Variants in SUGT1 observed in about 807,000 individuals in gnomAD.
SUGT1 encodes the protein SGT1 assembly cochaperone of MIS12 kinetochore complex.
SUGT1 carries 15 observed loss-of-function variants against 56.1 expected under a neutral mutation model. The ratio of observed to expected loss-of-function variants is 0.27; its 90% CI spans 0.18 to 0.41. SUGT1 has a LOEUF of 0.41. Among genes scored for constraint, SUGT1 ranks in the 10% least tolerant of loss-of-function variants. The pLI is 1.00. For missense variants in SUGT1, 347 were observed against 382.2 expected, an observed-to-expected ratio of 0.91 and a Z score of 0.77; for synonymous variants, 123 against 128.6, an observed-to-expected ratio of 0.96 and a Z score of 0.30.
rs1231393881 is a variant in SUGT1 at position 52,697,661 on chromosome 13, G to A, written c.*9826G>A. On this transcript the variant is annotated 3_prime_UTR_variant, in exon 13 of 13. Transcript: ENST00000310528. ...TTTAAACAGTATCAACACCGTTGAG[G>A]CCCTTCAAGTCTTTGCAGTCAAAAG... is the stretch of plus-strand genomic sequence containing the variant. 6.6e-6 allele frequency: 1 copy of A among 152,130 alleles called. No individual in the cohort carries two copies. The highest frequency in any genetic ancestry group is 2.4e-5 in the African/African-American group (1 of 41,414). The allele number at this position is 152,130 out of a possible 1,614,324, so 9.4% of individuals were successfully genotyped here.
chr13:52,655,281 T>C (rs1367455772), intron 2 of SUGT1, among the ~76,000 whole-genome samples: 2 of 152,146 alleles, frequency 1.3e-5, no homozygotes, highest in African/African-American at 4.8e-5. Flanking sequence ...AGGTGGAGGT[T>C]ACAGTGAGCT....
intron 12 of SUGT1, among the ~76,000 whole-genome samples, chr13:52,686,928 G>A (rs188637839): frequency 0.015 from 2,328 of 151,710 alleles, 61 homozygotes; most frequent in African/African-American, 0.053. Context: ...AAAATTAGCC[G>A]GGCATGGTGG....
intron 2 of SUGT1, among the ~76,000 whole-genome samples, chr13:52,655,572 A>G (rs930631092): frequency 2.0e-5 from 3 of 152,126 alleles, no homozygotes; most frequent in African/African-American, 7.2e-5. Context: ...GAGGGCATGG[A>G]GGTGAGTTGT....
At position 52,692,644 on chromosome 13, in the gene SUGT1, C is replaced by T. The variant is rs1333405935; in HGVS notation, c.*4809C>T. On this transcript the variant is annotated 3_prime_UTR_variant, in exon 13 of 13. Coordinates refer to ENST00000310528, the MANE Select transcript of SUGT1 (RefSeq NM_006704.5). The stretch of plus-strand genomic sequence containing the variant: ...CAGGCTGGTCTTGAACTCCTGACCT[C>T]ATGATCCGCCCACCTTGGCCTCCCA... 1 of 152,294 alleles carries T rather than the reference C, an allele frequency of 6.6e-6. No homozygotes were observed. The highest frequency in any genetic ancestry group is 1.5e-5 in the Non-Finnish European group (1 of 68,134). 9.4% of individuals were successfully genotyped at this position (152,294 alleles called of 1,614,324 possible). A position where few individuals can be genotyped will look rare whatever the true frequency, so the allele number is the denominator to read the frequency against.
intron 5 of SUGT1, 45 bp from the exon 6 acceptor site, chr13:52,662,603 TA>T (rs775462044): frequency 6.3e-7 from 1 of 1,591,908 alleles, no homozygotes; most frequent in Non-Finnish European, 8.6e-7. Flanking sequence ...TGTTGATTTA[TA>T]GGTTGTGCAG....
At chr13:52,660,327 T>C (rs1962383720) in intron 5 of SUGT1, among the ~76,000 whole-genome samples, 1 of 152,202 alleles carries the variant, frequency 6.6e-6, no homozygotes, top group African/African-American at 2.4e-5. Flanking sequence ...TCTGAAGAGA[T>C]TTTTGATAAT....
intron 2 of SUGT1, among the ~76,000 whole-genome samples, chr13:52,656,534 G>A (rs1320793743): frequency 6.6e-6 from 1 of 152,080 alleles, no homozygotes; most frequent in Non-Finnish European, 1.5e-5. Flanking sequence ...ACTTTCCATG[G>A]CTTTCCATCA....
At chr13:52,660,782 T>A (rs1962406217) in intron 5 of SUGT1, among the ~76,000 whole-genome samples, 1 of 152,050 alleles carries the variant, frequency 6.6e-6, no homozygotes, top group South Asian at 2.1e-4. Flanking sequence ...GAAACATGAG[T>A]CATACCATTC....
chr13:52,690,814 T>A lies in SUGT1; in HGVS notation c.*2979T>A, dbSNP rs1963753985. The A allele has an allele frequency of 6.6e-6, 1 of 152,214 alleles. No homozygotes were observed. The highest frequency in any genetic ancestry group is 2.1e-4 in the South Asian group (1 of 4,824). 9.4% of individuals were successfully genotyped at this position (152,214 alleles called of 1,614,324 possible). On this transcript the variant is annotated 3_prime_UTR_variant, in exon 13 of 13. Transcript: ENST00000310528. ...TCTGTCTATAGGGAGTGAAATGGAA[T>A]GGAGAAAGAGGATGGCTTGCATTAA...
rs1165440273 is a variant in SUGT1, at chr13:52,688,531, C to CCCAA, written c.*698_*701dup. ...TAGGGCAAAGAAGGTTCTAGGAAAG[C>CCCAA]CCAACTCCACTTGCTTCTTTTATCA... On this transcript the variant is annotated 3_prime_UTR_variant, in exon 13 of 13. Transcript: ENST00000310528. The CCCAA allele has an allele frequency of 1.3e-5, 2 of 152,246 alleles. No individual in the cohort carries two copies. Among genetic ancestry groups the CCCAA allele is most frequent in the East Asian group, 3.9e-4 (2 of 5,178 alleles). The allele number at this position is 152,246 out of a possible 1,614,324, so 9.4% of individuals were successfully genotyped here.
In SUGT1 at chr13:52,695,604, AAGG is replaced by A. The variant is rs942937725; in HGVS notation, c.*7773_*7775del. ...TCCTGTTTAGTGTTGAAATTCTTCA[AAGG>A]AGGGTGAGTCTGGCATTTACCTGCT... On this transcript the variant is annotated 3_prime_UTR_variant, in exon 13 of 13. Transcript: ENST00000310528. 2.0e-5 allele frequency: 3 copies of A among 152,160 alleles called. No individual in the cohort carries two copies. Among genetic ancestry groups the A allele is most frequent in the Admixed American group, 2.0e-4 (3 of 15,272 alleles). The allele number at this position is 152,160 out of a possible 1,614,324, so 9.4% of individuals were successfully genotyped here. A position where few individuals can be genotyped will look rare whatever the true frequency, so the allele number is the denominator to read the frequency against.
Position 52,692,458 on chromosome 13 carries a change from A to ATT in SUGT1, c.*4623_*4624insTT, listed in dbSNP as rs760140125. 6.6e-6 allele frequency: 1 copy of ATT among 151,298 alleles called. No homozygotes were observed. The highest frequency in any genetic ancestry group is 6.6e-5 in the Admixed American group (1 of 15,226). The allele number at this position is 151,298 out of a possible 1,614,324, so 9.4% of individuals were successfully genotyped here. A position where few individuals can be genotyped will look rare whatever the true frequency, so the allele number is the denominator to read the frequency against. On this transcript the variant is annotated 3_prime_UTR_variant, in exon 13 of 13. Coordinates refer to ENST00000310528, the MANE Select transcript of SUGT1 (RefSeq NM_006704.5). ...ACAGTCTCACTCTGTCGTTCAGGGA[A>ATT]GGAATGCAGTGGTGCAATCTTGGCT...
At chr13:52,657,450 C>T in intron 2 of SUGT1, 82 bp from the exon 3 acceptor site, 1 of 1,179,532 alleles carries the variant, frequency 8.5e-7, no homozygotes, top group Non-Finnish European at 1.2e-6. Flanking sequence ...CAATAAGTTA[C>T]TTGATTAAAA....
At chr13:52,663,002 T>G (rs1962536628) in intron 6 of SUGT1, 94 bp from the exon 7 acceptor site, 2 of 1,397,594 alleles carry the variant, frequency 1.4e-6, no homozygotes, top group Middle Eastern at 2.5e-4. Flanking sequence ...ATTTGCTTGC[T>G]TAATCAGTAT....
rs377275248 is a variant in SUGT1 at position 52,680,239 on chromosome 13, T to C, written c.900+84T>C. 5.0e-5 allele frequency: 65 copies of C among 1,310,962 alleles called. No individual in the cohort carries two copies. The African/African-American group carries it at 9.6e-4, about 19-fold the overall frequency. 81.2% of individuals were successfully genotyped at this position (1,310,962 alleles called of 1,614,324 possible). A position where few individuals can be genotyped will look rare whatever the true frequency, so the allele number is the denominator to read the frequency against. ...GAAAATTGGTAATGTGAGACCAAAT[T>C]GCGTGTACTATAGCTGGGAGAACTT... On this transcript the variant is annotated intron_variant, in intron 12 of 12. Coordinates refer to ENST00000310528, the MANE Select transcript of SUGT1 (RefSeq NM_006704.5).
chr13:52,654,624 C>T (rs1962071681), intron 2 of SUGT1, among the ~76,000 whole-genome samples: 1 of 152,212 alleles, frequency 6.6e-6, no homozygotes, highest in Admixed American at 6.5e-5. Flanking sequence ...CTGACTCCTG[C>T]TTTGACCTCC....
At chr13:52,663,328 T>G (rs1025247493) in intron 7 of SUGT1, among the ~76,000 whole-genome samples, 2 of 152,200 alleles carry the variant, frequency 1.3e-5, no homozygotes, top group African/African-American at 4.8e-5. Context: ...ATGAATTTAG[T>G]GTGTGGTTAA....
At chr13:52,656,875 T>G (rs1962188785) in intron 2 of SUGT1, among the ~76,000 whole-genome samples, 2 of 152,236 alleles carry the variant, frequency 1.3e-5, no homozygotes, top group Admixed American at 1.3e-4. Context: ...TCTTACATCA[T>G]TATTTTTCCA....
chr13:52,671,918 C>G (rs916327215), intron 10 of SUGT1, among the ~76,000 whole-genome samples: 1 of 152,080 alleles, frequency 6.6e-6, no homozygotes, highest in African/African-American at 2.4e-5. Context: ...CTGAAAAATG[C>G]GCTTACAGCA....
Sources: allele counts gnomAD v4.1 joint callset (sites outside exome capture counted in the v4.1 genomes callset), GRCh38; gene constraint gnomAD v4.1.1; transcripts MANE v1.5; gene names NCBI Gene and HGNC (gene_info 2026-07-23, HGNC 2026-07-21).